The following RASGRF2 variants were observed in gnomAD, a reference collection of about 807,000 sequenced individuals.
The protein encoded by RASGRF2 is Ras protein specific guanine nucleotide releasing factor 2.
Under a neutral mutation model 151.0 loss-of-function variants are expected in RASGRF2, and 76 were observed. That is an observed-to-expected ratio of 0.50 (90% CI 0.42 to 0.61). The LOEUF (loss-of-function observed/expected upper bound fraction) is 0.61, where lower values mean the gene tolerates loss of function less well. RASGRF2 is among the 20% of genes least tolerant of loss of function. The pLI is 0.00. For missense variants in RASGRF2, 1,148 were observed against 1,564.6 expected (o/e 0.73, Z 4.49); for synonymous variants, 504 against 566.5 (o/e 0.89, Z 1.57).
chr5:81,215,155 A>G (rs181929063), intron 23 of RASGRF2, among the ~76,000 whole-genome samples: 1,809 of 152,240 alleles, frequency 0.012, 12 homozygotes, highest in African/African-American at 0.023. Context: ...CCTGGCCAAC[A>G]TCGTGAAACT....
intron 25 of RASGRF2, among the ~76,000 whole-genome samples, chr5:81,218,963 T>C (rs1427798629): frequency 6.6e-6 from 1 of 152,186 alleles, no homozygotes; most frequent in Admixed American, 6.5e-5. Flanking sequence ...TTGAGGAGAT[T>C]TTTGGCAAAG....
At chr5:81,022,464 T>A (rs1276412565) in intron 1 of RASGRF2, among the ~76,000 whole-genome samples, 1 of 152,150 alleles carries the variant, frequency 6.6e-6, no homozygotes, top group East Asian at 1.9e-4. Context: ...AGGCTTGGGG[T>A]GGAGCAAGAG....
chr5:81,154,870 A>G (rs976819786), intron 17 of RASGRF2, among the ~76,000 whole-genome samples: 2 of 152,238 alleles, frequency 1.3e-5, no homozygotes, highest in African/African-American at 4.8e-5. Flanking sequence ...ACTGGTTTCC[A>G]TAATGGCTGT....
At chr5:80,968,133 G>C (rs979225346) in intron 1 of RASGRF2, among the ~76,000 whole-genome samples, 2 of 152,222 alleles carry the variant, frequency 1.3e-5, no homozygotes, top group Non-Finnish European at 2.9e-5. Context: ...CATGGTGAAT[G>C]GTCAGCACAT....
chr5:81,161,472 A>G (rs1754382434), intron 17 of RASGRF2, among the ~76,000 whole-genome samples: 1 of 152,192 alleles, frequency 6.6e-6, no homozygotes, highest in African/African-American at 2.4e-5. Context: ...AGCCTTTTTC[A>G]TCATCTGGGC....
Position 80,989,227 on chromosome 5 carries a change from T to C in RASGRF2, c.288+28201T>C, listed in dbSNP as rs930227970. Among the ~76,000 whole-genome samples, 3 of 152,158 alleles carry C rather than the reference T, an allele frequency of 2.0e-5. No homozygotes were observed. The South Asian group carries it at 6.2e-4, about 32-fold the overall frequency. On this transcript the variant is annotated intron_variant, in intron 1 of 26. Transcript: ENST00000265080. ...CTCAAGTGATCCCCCCGCGTCTGTC[T>C]CCCAAAGTGCTGGGATTACAGGCAT... is the stretch of plus-strand genomic sequence containing the variant.
chr5:81,151,110 ATC>A (rs1480679181), intron 17 of RASGRF2, among the ~76,000 whole-genome samples: 1 of 152,220 alleles, frequency 6.6e-6, no homozygotes, highest in Non-Finnish European at 1.5e-5. Context: ...TATGATAATG[ATC>A]TCTGTTTACA....
chr5:81,029,455 C>T (rs1230655265), intron 1 of RASGRF2, among the ~76,000 whole-genome samples: 1 of 152,186 alleles, frequency 6.6e-6, no homozygotes, highest in Non-Finnish European at 1.5e-5. Context: ...GAAGCTTCCA[C>T]AGGAAGGATC....
At chr5:81,167,898 A>T (rs1754550220) in intron 17 of RASGRF2, among the ~76,000 whole-genome samples, 1 of 152,228 alleles carries the variant, frequency 6.6e-6, no homozygotes, top group East Asian at 1.9e-4. Context: ...TTCAGATCTT[A>T]AATGGATATT....
intron 4 of RASGRF2, 88 bp downstream of exon 4, chr5:81,070,669 C>A: frequency 8.7e-7 from 1 of 1,146,990 alleles, no homozygotes; most frequent in Non-Finnish European, 1.3e-6. Context: ...GTGCGTGAGC[C>A]GGGAGCAGCC....
At chr5:81,204,948 C>G (rs1755473048) in intron 19 of RASGRF2, among the ~76,000 whole-genome samples, 1 of 152,150 alleles carries the variant, frequency 6.6e-6, no homozygotes, top group Non-Finnish European at 1.5e-5. Context: ...AAAGATCTTT[C>G]CCACTGGTAC....
intron 17 of RASGRF2, among the ~76,000 whole-genome samples, chr5:81,160,701 A>C (rs1754363525): frequency 6.8e-6 from 1 of 147,016 alleles, no homozygotes. Flanking sequence ...TAATAATAAT[A>C]ATAATAATAA....
chr5:81,099,266 A>G (rs1277853563), intron 12 of RASGRF2, among the ~76,000 whole-genome samples: 1 of 152,162 alleles, frequency 6.6e-6, no homozygotes, highest in Non-Finnish European at 1.5e-5. Flanking sequence ...ACTTCTTTCT[A>G]TATTCCTATA....
At position 80,968,882 on chromosome 5, in the gene RASGRF2, C is replaced by T. The variant is rs546642194; in HGVS notation, c.288+7856C>T. ...ATTTTTTTTTGGAGATGGGGTCTCC[C>T]TGTGTTGCCCAGGCTCGTCTTGAAC... On this transcript the variant is annotated intron_variant, in intron 1 of 26. Transcript: ENST00000265080. 3.9e-5 allele frequency among the ~76,000 whole-genome samples: 6 copies of T among 152,062 alleles called. No homozygotes were observed. The East Asian group carries it at 1.2e-3, about 30-fold the overall frequency.
intron 18 of RASGRF2, among the ~76,000 whole-genome samples, chr5:81,193,186 T>C (rs562141636): frequency 5.3e-4 from 80 of 152,342 alleles, no homozygotes; most frequent in African/African-American, 1.9e-3. Flanking sequence ...TAGAGTTCCC[T>C]TGGCCATGTA....
chr5:81,129,189 T>C (rs1753550554), intron 17 of RASGRF2, among the ~76,000 whole-genome samples: 1 of 152,334 alleles, frequency 6.6e-6, no homozygotes, highest in African/African-American at 2.4e-5. Context: ...GCCTTGTTGC[T>C]GTGTCTTCAC....
intron 18 of RASGRF2, among the ~76,000 whole-genome samples, chr5:81,196,429 C>G (rs1398479128): frequency 6.6e-6 from 1 of 152,214 alleles, no homozygotes; most frequent in Non-Finnish European, 1.5e-5. Context: ...TCATCAGCAG[C>G]AAAGCAACTA....
chr5:81,083,321 T>G (rs1752139790), intron 7 of RASGRF2, among the ~76,000 whole-genome samples: 1 of 151,916 alleles, frequency 6.6e-6, no homozygotes. Context: ...TGACCCTAGT[T>G]TATACTGCCA....
At chr5:81,046,666 G>C (rs34108) in intron 2 of RASGRF2, among the ~76,000 whole-genome samples, 17,145 of 152,048 alleles carry the variant, frequency 0.11, 1,250 homozygotes, top group Non-Finnish European at 0.16. Context: ...TGGAACTCTG[G>C]ACATAAAAAA....
Sources: gnomAD v4.1 joint callset for allele counts (sites outside exome capture counted in the v4.1 genomes callset) on GRCh38, gnomAD v4.1.1 for gene constraint, MANE v1.5 for transcripts, NCBI Gene and HGNC (gene_info 2026-07-23, HGNC 2026-07-21) for gene names.